Variants in MYO3B observed in about 807,000 individuals in gnomAD.
The protein encoded by MYO3B is myosin-IIIb.
MYO3B carries 156 observed loss-of-function variants against 174.6 expected under a neutral mutation model. The ratio of observed to expected loss-of-function variants is 0.89; its 90% CI spans 0.78 to 1.02. MYO3B has a LOEUF of 1.02. MYO3B is among the 50% of genes least tolerant of loss of function. The probability of loss-of-function intolerance (pLI) is 0.00; values close to 1 mark genes in which losing one functional copy is unlikely to be tolerated. For synonymous variants in MYO3B, 563 were observed against 569.1 expected, an observed-to-expected ratio of 0.99 and a Z score of 0.15; for missense variants, 1,632 against 1,639.4, an observed-to-expected ratio of 1.00 and a Z score of 0.08.
intron 8 of MYO3B, among the ~76,000 whole-genome samples, chr2:170,358,706 T>C (rs936700255): frequency 2.6e-5 from 4 of 152,210 alleles, no homozygotes; most frequent in Non-Finnish European, 4.4e-5. Context: ...GCTATGCACA[T>C]TATAGTTGCA....
chr2:170,570,543 C>G (rs938546085), intron 32 of MYO3B, among the ~76,000 whole-genome samples: 1 of 152,214 alleles, frequency 6.6e-6, no homozygotes, highest in African/African-American at 2.4e-5. Context: ...AACCCAGGCT[C>G]TTTTCACTCC....
chr2:170,565,792 G>A (rs1442698213), intron 32 of MYO3B, among the ~76,000 whole-genome samples: 3 of 152,202 alleles, frequency 2.0e-5, no homozygotes, highest in African/African-American at 4.8e-5. Flanking sequence ...TAGACCAAGT[G>A]AGGTTACTCT....
chr2:170,601,973 T>G, intron 32 of MYO3B: 1 of 853,452 alleles, frequency 1.2e-6, no homozygotes, highest in East Asian at 2.4e-5. Context: ...AACTTCTTTT[T>G]TGTCTCCCCT....
Position 170,603,022 on chromosome 2 carries a change from C to T in MYO3B, c.3734-48606C>T, listed in dbSNP as rs557502199. Among the ~76,000 whole-genome samples, 46 of 152,212 alleles carry T rather than the reference C, an allele frequency of 3.0e-4. No individual in the cohort carries two copies. The East Asian group carries it at 6.6e-3, about 22-fold the overall frequency. ...GGCAGAGGTTGCAGTAAGCCAAGATCGCACCATTGCACTCCAGCCTGGGCA... is the reference window on the plus strand; with the variant it reads ...GGCAGAGGTTGCAGTAAGCCAAGATTGCACCATTGCACTCCAGCCTGGGCA... On this transcript the variant is annotated intron_variant, in intron 32 of 34. Transcript: ENST00000408978.
At chr2:170,454,453 C>T (rs1683794198) in intron 23 of MYO3B, among the ~76,000 whole-genome samples, 1 of 152,202 alleles carries the variant, frequency 6.6e-6, no homozygotes, top group African/African-American at 2.4e-5. Flanking sequence ...AGACATCCTA[C>T]CATGGGGCTA....
At chr2:170,522,523 T>C (rs1688737893) in intron 30 of MYO3B, among the ~76,000 whole-genome samples, 1 of 152,248 alleles carries the variant, frequency 6.6e-6, no homozygotes, top group Non-Finnish European at 1.5e-5. Flanking sequence ...TTCTCACACC[T>C]GATCAATTGT....
chr2:170,301,048 G>A (rs1158720452), intron 7 of MYO3B, among the ~76,000 whole-genome samples: 3 of 152,172 alleles, frequency 2.0e-5, no homozygotes, highest in African/African-American at 7.2e-5. Flanking sequence ...TGTTGAGAAG[G>A]CATCCCAGCC....
At chr2:170,397,653 C>T (rs1236281285) in intron 16 of MYO3B, among the ~76,000 whole-genome samples, 2 of 152,134 alleles carry the variant, frequency 1.3e-5, no homozygotes, top group Non-Finnish European at 2.9e-5. Context: ...TTTTCTCCCC[C>T]ATACCTGCAA....
intron 23 of MYO3B, among the ~76,000 whole-genome samples, chr2:170,450,366 A>G (rs1683531174): frequency 6.6e-6 from 1 of 152,216 alleles, no homozygotes; most frequent in Admixed American, 6.5e-5. Flanking sequence ...TTTGTCACAT[A>G]TCAAAGGTTT....
intron 1 of MYO3B, among the ~76,000 whole-genome samples, chr2:170,179,788 T>C (rs968401954): frequency 3.3e-5 from 5 of 152,234 alleles, no homozygotes; most frequent in Middle Eastern, 3.2e-3. Context: ...ACAACTATTA[T>C]GCACTTGCTT....
chr2:170,214,448 G>A lies in MYO3B; in HGVS notation c.391G>A (p.Ala131Thr), dbSNP rs2092805971. 6.2e-7 allele frequency: 1 copy of A among 1,614,158 alleles called. No homozygotes were observed. ...LLRCGQRLDE[A>T]MISYILYGAL... ...CAGATGTGGCCAGCGGTTGGATGAA[G>A]CAATGATCTCATACATCTTGTACGG... The change falls in exon 4 of 35, where the codon GCA becomes ACA. Residue 131 changes from alanine (A) to threonine (T), a missense_variant. Ala to Thr is a moderately conservative substitution (Grantham distance 58, BLOSUM62 0). Transcript: ENST00000408978.
At chr2:170,406,706 C>G (rs1192870198) in intron 21 of MYO3B, among the ~76,000 whole-genome samples, 1 of 152,148 alleles carries the variant, frequency 6.6e-6, no homozygotes, top group Non-Finnish European at 1.5e-5. Context: ...ATTTTCCTTT[C>G]TTGATTTTAG....
chr2:170,210,810 C>A (rs2092761498), intron 3 of MYO3B, among the ~76,000 whole-genome samples: 1 of 152,150 alleles, frequency 6.6e-6, no homozygotes, highest in Admixed American at 6.6e-5. Context: ...CTTTAATCTT[C>A]CCTTTAAAAA....
intron 7 of MYO3B, among the ~76,000 whole-genome samples, chr2:170,248,281 A>G (rs2093214129): frequency 6.6e-6 from 1 of 152,150 alleles, no homozygotes; most frequent in Non-Finnish European, 1.5e-5. Context: ...AAAGTTAGTC[A>G]AACCTAGGCC....
At chr2:170,332,900 G>C (rs576586355) in intron 7 of MYO3B, among the ~76,000 whole-genome samples, 1 of 152,072 alleles carries the variant, frequency 6.6e-6, no homozygotes, top group South Asian at 2.1e-4. Flanking sequence ...TTGGACCCTT[G>C]CCAGGTCACT....
intron 32 of MYO3B, among the ~76,000 whole-genome samples, chr2:170,611,439 A>C (rs919795627): frequency 2.5e-4 from 38 of 152,338 alleles, no homozygotes; most frequent in African/African-American, 9.1e-4. Context: ...TATTGCAGCA[A>C]AGCTTCACGT....
chr2:170,432,498 C>A (rs761054110), intron 22 of MYO3B, among the ~76,000 whole-genome samples: 18 of 150,484 alleles, frequency 1.2e-4, no homozygotes, highest in Non-Finnish European at 2.4e-4. Context: ...TCAAAAGAGT[C>A]AAAAAATTTT....
At chr2:170,185,866 T>G (rs1247172571) in intron 1 of MYO3B, among the ~76,000 whole-genome samples, 2 of 152,122 alleles carry the variant, frequency 1.3e-5, no homozygotes, top group Admixed American at 6.6e-5. Flanking sequence ...TTCATTTTTT[T>G]GGGTTAATTC....
intron 32 of MYO3B, among the ~76,000 whole-genome samples, chr2:170,585,503 A>T (rs1483345354): frequency 6.6e-6 from 1 of 152,152 alleles, no homozygotes; most frequent in Non-Finnish European, 1.5e-5. Context: ...GAGCTCTTGC[A>T]GAACCATCCT....
Sources: allele counts gnomAD v4.1 joint callset (sites outside exome capture counted in the v4.1 genomes callset), GRCh38; gene constraint gnomAD v4.1.1; transcripts MANE v1.5; gene names NCBI Gene and HGNC (gene_info 2026-07-23, HGNC 2026-07-21).